Variants in TCF12 observed in about 807,000 individuals in gnomAD.
TCF12 encodes transcription factor 12, also known as DNA-binding protein HTF4.
A neutral mutation model predicts 86.0 loss-of-function variants in TCF12; 45 were observed. The observed-to-expected ratio is 0.52, with a 90% CI of 0.41 to 0.67. The LOEUF (loss-of-function observed/expected upper bound fraction) is 0.67. Among genes scored for constraint, TCF12 ranks in the 30% least tolerant of loss-of-function variants. The pLI is 0.00. For missense variants in TCF12, 881 were observed against 859.9 expected, an observed-to-expected ratio of 1.02 and a Z score of -0.31; for synonymous variants, 330 against 299.6, an observed-to-expected ratio of 1.10 and a Z score of -1.05.
chr15:57,000,208 T>G (rs556385001), intron 3 of TCF12, among the ~76,000 whole-genome samples: 1 of 152,252 alleles, frequency 6.6e-6, no homozygotes, highest in South Asian at 2.1e-4. Context: ...AGGATCTCTC[T>G]CTATCACCAG....
At chr15:57,170,669 A>AT (rs1348148881) in intron 6 of TCF12, among the ~76,000 whole-genome samples, 17 of 11,452 alleles carry the variant, frequency 1.5e-3, no homozygotes, top group East Asian at 4.0e-3. Flanking sequence ...AAATATATAT[A>AT]TATATAATAT....
chr15:57,275,452 G>T (rs72733982), intron 19 of TCF12, among the ~76,000 whole-genome samples: 7,024 of 113,360 alleles, frequency 0.062, 243 homozygotes, highest in South Asian at 0.16. Context: ...ACCATGCCTG[G>T]GCTCAGACTC....
At chr15:57,117,264 T>C (rs2151271183) in intron 5 of TCF12, among the ~76,000 whole-genome samples, 1 of 152,190 alleles carries the variant, frequency 6.6e-6, no homozygotes, top group East Asian at 1.9e-4. Context: ...CAGGTTGGGC[T>C]CAAACAATCC....
intron 3 of TCF12, among the ~76,000 whole-genome samples, chr15:57,025,152 T>C (rs1055782751): frequency 6.6e-6 from 1 of 151,976 alleles, no homozygotes; most frequent in Non-Finnish European, 1.5e-5. Flanking sequence ...CGATCGCAGC[T>C]CATTGCAGCC....
chr15:57,075,835 T>TCTCTCTCTCTTTTC lies in TCF12; in HGVS notation c.222+12012_222+12013insCTCTCTCTCTTTTC, dbSNP rs778545170. Among the ~76,000 whole-genome samples, 12 of 50,014 alleles carry TCTCTCTCTCTTTTC rather than the reference T, an allele frequency of 2.4e-4. 1 individual carries two copies. The highest frequency in any genetic ancestry group is 6.8e-4 in the African/African-American group (7 of 10,350). 32.8% of individuals were successfully genotyped at this position (50,014 alleles called of 152,430 possible). ...CTCTCTCTCTCTCTCTCTCTCTCTC[T>TCTCTCTCTCTTTTC]TTTCTTTCTTTCTTTCTTTCTTTCT... is the stretch of plus-strand genomic sequence containing the variant. On this transcript the variant is annotated intron_variant, in intron 4 of 20. Coordinates refer to ENST00000333725, the MANE Select transcript of TCF12 (RefSeq NM_207037.2).
At chr15:56,986,583 G>A (rs1168539278) in intron 3 of TCF12, among the ~76,000 whole-genome samples, 1 of 152,170 alleles carries the variant, frequency 6.6e-6, no homozygotes, top group African/African-American at 2.4e-5. Context: ...TCTTCCAGAA[G>A]TTTTATAATG....
chr15:57,093,819 G>A (rs574242747), intron 5 of TCF12, among the ~76,000 whole-genome samples: 1 of 152,218 alleles, frequency 6.6e-6, no homozygotes, highest in Non-Finnish European at 1.5e-5. Context: ...TTTGTAAGTA[G>A]ATTGATCTCT....
At chr15:57,140,488 G>A (rs941954753) in intron 5 of TCF12, among the ~76,000 whole-genome samples, 1 of 152,166 alleles carries the variant, frequency 6.6e-6, no homozygotes, top group African/African-American at 2.4e-5. Flanking sequence ...TGTGCTAAGT[G>A]TCAGACGTTA....
intron 12 of TCF12, among the ~76,000 whole-genome samples, chr15:57,240,893 A>C (rs2059592110): frequency 6.6e-6 from 1 of 150,934 alleles, no homozygotes; most frequent in African/African-American, 2.4e-5. Context: ...AAAAAAAAAA[A>C]AAAAAAAAGA....
intron 12 of TCF12, among the ~76,000 whole-genome samples, chr15:57,242,200 T>C (rs1398223940): frequency 6.6e-6 from 1 of 152,238 alleles, no homozygotes; most frequent in African/African-American, 2.4e-5. Flanking sequence ...TCATTTCTAC[T>C]GGATGACTTT....
intron 5 of TCF12, among the ~76,000 whole-genome samples, chr15:57,104,435 CTTTT>C (rs71113062): frequency 2.9e-5 from 3 of 103,362 alleles, no homozygotes; most frequent in Non-Finnish European, 3.9e-5. Flanking sequence ...TTTTTTTTTT[CTTTT>C]TTTTTTTTTT....
At chr15:57,266,965 G>A (rs2060898963) in intron 18 of TCF12, among the ~76,000 whole-genome samples, 1 of 152,170 alleles carries the variant, frequency 6.6e-6, no homozygotes, top group Non-Finnish European at 1.5e-5. Flanking sequence ...GAAGTTTGAG[G>A]CTATAGTGAG....
chr15:56,994,683 C>A (rs1470723581), intron 3 of TCF12, among the ~76,000 whole-genome samples: 2 of 151,936 alleles, frequency 1.3e-5, no homozygotes, highest in African/African-American at 2.4e-5. Context: ...TTGTTCAGTA[C>A]TGAAAGAAAA....
chr15:57,245,109 A>T (rs1329509923), intron 13 of TCF12, among the ~76,000 whole-genome samples: 1 of 152,226 alleles, frequency 6.6e-6, no homozygotes, highest in African/African-American at 2.4e-5. Flanking sequence ...CCATTAGTTA[A>T]GTCCATGCAG....
At chr15:57,254,525 T>C (rs1395152949) in intron 16 of TCF12, among the ~76,000 whole-genome samples, 2 of 152,072 alleles carry the variant, frequency 1.3e-5, no homozygotes, top group Non-Finnish European at 2.9e-5. Flanking sequence ...TTTATTGCTA[T>C]TGATAAGCTA....
chr15:57,155,923 A>T (rs971004271), intron 5 of TCF12, among the ~76,000 whole-genome samples: 1 of 152,212 alleles, frequency 6.6e-6, no homozygotes, highest in Admixed American at 6.5e-5. Context: ...TATTTTCTTT[A>T]TACACAAAGT....
chr15:57,170,724 ATATATTATATATAATATATAT>A (rs1471014337), intron 6 of TCF12, among the ~76,000 whole-genome samples: 48 of 1,756 alleles, frequency 0.027, 2 homozygotes, highest in African/African-American at 0.059. Flanking sequence ...TATATATATT[ATATATTATATATAATATATAT>A]TATATATTAT....
At chr15:57,149,268 G>T (rs1324428740) in intron 5 of TCF12, among the ~76,000 whole-genome samples, 1 of 151,892 alleles carries the variant, frequency 6.6e-6, no homozygotes, top group Non-Finnish European at 1.5e-5. Context: ...TATGTATGTG[G>T]GCAAGGGTTG....
In TCF12 at chr15:57,289,541, T is replaced by C. The variant is rs1401593665; in HGVS notation, c.*3396T>C. 1 of 152,202 alleles carries C rather than the reference T, an allele frequency of 6.6e-6. No individual in the cohort carries two copies. Among genetic ancestry groups the C allele is most frequent in the Non-Finnish European group, 1.5e-5 (1 of 68,042 alleles). 9.4% of individuals were successfully genotyped at this position (152,202 alleles called of 1,614,324 possible). A position where few individuals can be genotyped will look rare whatever the true frequency, so the allele number is the denominator to read the frequency against. On this transcript the variant is annotated 3_prime_UTR_variant, in exon 21 of 21. Coordinates refer to ENST00000333725, the MANE Select transcript of TCF12 (RefSeq NM_207037.2). ...TTTCTTCCATATTTGTTTTATTTCA[T>C]TTTTCTTTTCTATAGTTCATGTTTT...
Sources: gnomAD v4.1 joint callset for allele counts (sites outside exome capture counted in the v4.1 genomes callset) on GRCh38, gnomAD v4.1.1 for gene constraint, MANE v1.5 for transcripts, NCBI Gene and HGNC (gene_info 2026-07-23, HGNC 2026-07-21) for gene names.